COL6A5: variants seen among roughly 807,000 people sequenced by gnomAD.
COL6A5 encodes the protein collagen alpha-5(VI) chain.
A neutral mutation model predicts 65.6 loss-of-function variants in COL6A5; 48 were observed. The observed-to-expected ratio is 0.73, with a 90% CI of 0.58 to 0.93. The LOEUF is 0.93. Among genes scored for constraint, COL6A5 ranks in the 40% least tolerant of loss-of-function variants. The probability of loss-of-function intolerance (pLI) is 0.00; values close to 1 mark genes in which losing one functional copy is unlikely to be tolerated. For missense variants in COL6A5, 914 were observed against 928.3 expected (o/e 0.98, Z 0.20); for synonymous variants, 291 against 322.8 (o/e 0.90, Z 1.05).
intron 4 of COL6A5, among the ~76,000 whole-genome samples, chr3:130,445,031 C>T (rs1466213089): frequency 6.6e-6 from 1 of 152,136 alleles, no homozygotes; most frequent in Non-Finnish European, 1.5e-5. Context: ...TGTCTTAAAT[C>T]ATTAATTTGA....
chr3:130,348,952 T>TTGATGGGGTTGTTTGTTTTTTTGTTG (rs1934602429), intron 1 of COL6A5, among the ~76,000 whole-genome samples: 1 of 152,232 alleles, frequency 6.6e-6, no homozygotes, highest in Admixed American at 6.5e-5. Flanking sequence ...CACCCACTTT[T>TTGATGGGGTTGTTTGTTTTTTTGTTG]TGATGGGGTT....
rs1285341320 is a variant in COL6A5, at chr3:130,410,459, T to C, written c.4609-12T>C. ...TTTCCTTTTGATCTTGAGGAAATTA[T>C]TATATTTTTAGGGTAGAAGTGGACA... is the stretch of plus-strand genomic sequence containing the variant. On this transcript the variant is annotated splice_polypyrimidine_tract_variant and intron_variant and NMD_transcript_variant, in intron 19 of 41. Transcript: ENST00000312481. 3 of 1,546,538 alleles carry C rather than the reference T, an allele frequency of 1.9e-6. No homozygotes were observed. The African/African-American group carries it at 4.1e-5, about 21-fold the overall frequency.
exon 14 of COL6A5, chr3:130,405,658 A>G (rs1442449259): frequency 6.5e-7 from 1 of 1,547,484 alleles, no homozygotes; most frequent in African/African-American, 1.4e-5. Context: ...TGGGGTCAGA[A>G]GGTAAGGCTC....
At chr3:130,412,331 A>G (rs1045077059) in intron 20 of COL6A5, among the ~76,000 whole-genome samples, 1 of 152,172 alleles carries the variant, frequency 6.6e-6, no homozygotes, top group Admixed American at 6.5e-5. Flanking sequence ...CAAGGTCACA[A>G]GAACTACTAA....
intron 23 of COL6A5, among the ~76,000 whole-genome samples, chr3:130,416,240 G>A (rs6439231): frequency 0.8 from 121,444 of 152,042 alleles, 50,024 homozygotes; most frequent in Non-Finnish European, 0.92. Context: ...CTGCTCAGAC[G>A]GTGAGAGTTC....
intron 4 of COL6A5, among the ~76,000 whole-genome samples, chr3:130,450,314 C>T (rs1309204073): frequency 6.6e-6 from 1 of 152,110 alleles, no homozygotes; most frequent in African/African-American, 2.4e-5. Flanking sequence ...CCAATGTTTA[C>T]CTTTGCGACA....
exon 4 of COL6A5, chr3:130,443,541 G>A (rs1249429002): frequency 5.0e-6 from 8 of 1,609,960 alleles, no homozygotes; most frequent in Admixed American, 1.7e-5. Context: ...TTTAGGAGGA[G>A]AGAATATTCA....
intron 20 of COL6A5, 56 bp downstream of exon 20, chr3:130,410,580 G>A (rs1056386368): frequency 8.5e-6 from 12 of 1,417,238 alleles, no homozygotes; most frequent in African/African-American, 1.4e-5. Context: ...GATGACAGAG[G>A]CATTCAGAAT....
At chr3:130,413,783 A>G (rs1463600063) in intron 21 of COL6A5, among the ~76,000 whole-genome samples, 3 of 151,024 alleles carry the variant, frequency 2.0e-5, no homozygotes, top group Non-Finnish European at 4.4e-5. Flanking sequence ...CCTGATAGAT[A>G]CCTGGCAGAC....
At chr3:130,457,252 G>T (rs545621367) in intron 5 of COL6A5, among the ~76,000 whole-genome samples, 84 of 151,998 alleles carry the variant, frequency 5.5e-4, no homozygotes, top group Non-Finnish European at 1.0e-3. Context: ...TTTGGTAGAG[G>T]GTTAGAGTAT....
At chr3:130,349,924 A>G (rs1267400683) in intron 1 of COL6A5, among the ~76,000 whole-genome samples, 4 of 152,180 alleles carry the variant, frequency 2.6e-5, no homozygotes, top group Non-Finnish European at 5.9e-5. Context: ...TGGAACTCCT[A>G]TCTGTAAGAT....
At chr3:130,481,997 C>T (rs564145078) in intron 7 of COL6A5, among the ~76,000 whole-genome samples, 2 of 152,158 alleles carry the variant, frequency 1.3e-5, no homozygotes, top group African/African-American at 4.8e-5. Flanking sequence ...CTGTAGGTTG[C>T]CTGTTCACTC....
intron 2 of COL6A5, 102 bp from the exon 3 acceptor site, chr3:130,376,135 A>G: frequency 1.7e-6 from 2 of 1,203,414 alleles, no homozygotes; most frequent in Non-Finnish European, 1.1e-6. Flanking sequence ...TGGGATTCTG[A>G]TATACACTTA....
chr3:130,375,853 A>G (rs1935748117), intron 2 of COL6A5, among the ~76,000 whole-genome samples: 1 of 152,062 alleles, frequency 6.6e-6, no homozygotes, highest in African/African-American at 2.4e-5. Context: ...CCATGATTCA[A>G]TTACCTCCTA....
At chr3:130,475,058 A>AATG (rs2107621100) in intron 7 of COL6A5, among the ~76,000 whole-genome samples, 1 of 151,080 alleles carries the variant, frequency 6.6e-6, no homozygotes, top group South Asian at 2.1e-4. Flanking sequence ...AAAAAGAGTC[A>AATG]ATGAACTTGA....
intron 4 of COL6A5, among the ~76,000 whole-genome samples, chr3:130,382,697 G>A (rs1936041347): frequency 6.6e-6 from 1 of 152,118 alleles, no homozygotes; most frequent in Non-Finnish European, 1.5e-5. Context: ...TCAACGCTCA[G>A]AGAAACAATC....
At chr3:130,464,371 G>T (rs1055637721) in intron 5 of COL6A5, among the ~76,000 whole-genome samples, 8 of 151,936 alleles carry the variant, frequency 5.3e-5, no homozygotes, top group Non-Finnish European at 1.0e-4. Context: ...GGCCTCAAGC[G>T]ATCCTCCCAC....
At chr3:130,369,620 ATGAG>A (rs1935476401) in intron 1 of COL6A5, among the ~76,000 whole-genome samples, 1 of 152,250 alleles carries the variant, frequency 6.6e-6, no homozygotes, top group South Asian at 2.1e-4. Context: ...CTCATTCAGA[ATGAG>A]TGAGATTTGT....
intron 7 of COL6A5, among the ~76,000 whole-genome samples, chr3:130,474,197 T>G (rs879703180): frequency 2.0e-5 from 3 of 152,080 alleles, no homozygotes; most frequent in African/African-American, 7.2e-5. Flanking sequence ...TCTCAGACCC[T>G]TCCCTAAACT....
Sources: gnomAD v4.1 joint callset for allele counts (sites outside exome capture counted in the v4.1 genomes callset) on GRCh38, gnomAD v4.1.1 for gene constraint, MANE v1.5 for transcripts, NCBI Gene and HGNC (gene_info 2026-07-23, HGNC 2026-07-21) for gene names.